CENPQ: variants seen among roughly 807,000 people sequenced by gnomAD.
The protein encoded by CENPQ is chromosome 6 open reading frame 139.
Under a neutral mutation model 36.6 loss-of-function variants are expected in CENPQ, and 27 were observed. The ratio of observed to expected loss-of-function variants is 0.74; its 90% CI spans 0.54 to 1.02. The LOEUF is 1.02. Among genes scored for constraint, CENPQ ranks in the 50% least tolerant of loss-of-function variants. CENPQ has a pLI of 0.00. For missense variants in CENPQ, 306 were observed against 301.8 expected (o/e 1.01, Z -0.10); for synonymous variants, 101 against 101.7 (o/e 0.99, Z 0.04).
Position 49,483,395 on chromosome 6 carries a change from C to G in CENPQ, c.477+2315C>G, listed in dbSNP as rs548951415. 4.6e-5 allele frequency among the ~76,000 whole-genome samples: 7 copies of G among 152,322 alleles called. No homozygotes were observed. In the South Asian group the frequency reaches 1.4e-3, roughly 32 times the overall value. On this transcript the variant is annotated intron_variant, in intron 6 of 8. Transcript: ENST00000335783. ...CACACTGGGGCTGCAGGTGGAGCTG[C>G]CTGCCAGTCCTGTGCTGTGCGCCCG... is the stretch of plus-strand genomic sequence containing the variant.
At chr6:49,468,551 C>T (rs993690876) in intron 1 of CENPQ, among the ~76,000 whole-genome samples, 6 of 151,816 alleles carry the variant, frequency 4.0e-5, no homozygotes, top group South Asian at 2.1e-4. Flanking sequence ...GAGCCGAGAT[C>T]GCACCACTGC....
In CENPQ at chr6:49,472,105, C is replaced by A. The variant is rs1400768829; in HGVS notation, c.200C>A (p.Ala67Asp). ...AACCTAAAACACGGAAAGACAGCAG[C>A]CAGCAAGAGAAAAACCTGGCAACCT... ...HTNLKHGKTA[A>D]SKRKTWQPLS... Residue 67 changes from alanine (A) to aspartate (D), a missense_variant, in exon 4 of 9, where the codon GCC becomes GAC. Transcript: ENST00000335783. 2 of 1,612,206 alleles carry A rather than the reference C, an allele frequency of 1.2e-6. No homozygotes were observed. The highest frequency in any genetic ancestry group is 1.7e-6 in the Non-Finnish European group (2 of 1,179,148).
intron 2 of CENPQ, 28 bp from the exon 3 acceptor site, chr6:49,470,940 CTGTTTA>C: frequency 1.6e-6 from 2 of 1,257,574 alleles, no homozygotes; most frequent in Non-Finnish European, 2.2e-6. Flanking sequence ...ATGTTTAATT[CTGTTTA>C]TGTTTATGCA....
intron 1 of CENPQ, among the ~76,000 whole-genome samples, chr6:49,466,021 T>G (rs1489484088): frequency 6.6e-6 from 1 of 152,110 alleles, no homozygotes; most frequent in African/African-American, 2.4e-5. Context: ...GTGAGAGAGG[T>G]GTGATTTTTG....
intron 3 of CENPQ, among the ~76,000 whole-genome samples, chr6:49,471,708 G>C (rs1768139618): frequency 6.6e-6 from 1 of 151,976 alleles, no homozygotes; most frequent in Non-Finnish European, 1.5e-5. Context: ...TTTTGTTCCA[G>C]TTGCCATCCA....
At chr6:49,471,574 T>A (rs1034423187) in intron 3 of CENPQ, among the ~76,000 whole-genome samples, 1 of 152,176 alleles carries the variant, frequency 6.6e-6, no homozygotes, top group African/African-American at 2.4e-5. Context: ...TTGTTCAATA[T>A]CCCTTCTCTC....
At chr6:49,473,544 C>A (rs1003321165) in intron 5 of CENPQ, among the ~76,000 whole-genome samples, 1 of 152,034 alleles carries the variant, frequency 6.6e-6, no homozygotes, top group Non-Finnish European at 1.5e-5. Context: ...AAGGAAAAAC[C>A]GGTACCAGCC....
Position 49,480,541 on chromosome 6 carries a change from G to T in CENPQ, c.348-410G>T, listed in dbSNP as rs369914793. Among the ~76,000 whole-genome samples the T allele has an allele frequency of 2.6e-3, 395 of 152,038 alleles. 1 individual carries two copies. The highest frequency in any genetic ancestry group is 8.1e-3 in the African/African-American group (337 of 41,476). On this transcript the variant is annotated intron_variant, in intron 5 of 8. Transcript: ENST00000335783. ...CATTCTCTAAAATAATTGAGATTTG[G>T]GGTCCAGGGTCATAGTTAAGACTTC...
At chr6:49,475,607 T>G (rs1325305770) in intron 5 of CENPQ, among the ~76,000 whole-genome samples, 8 of 152,166 alleles carry the variant, frequency 5.3e-5, no homozygotes, top group Admixed American at 3.3e-4. Context: ...TAAAGGGTAT[T>G]CAATTAGGAA....
intron 2 of CENPQ, among the ~76,000 whole-genome samples, 170 bp downstream of exon 2, chr6:49,470,448 A>G (rs9463484): frequency 6.6e-6 from 1 of 151,010 alleles, no homozygotes; most frequent in African/African-American, 2.4e-5. Context: ...CTTAAAAAAA[A>G]CAAAAAAAAA....
chr6:49,483,715 G>A (rs962724810), intron 6 of CENPQ, among the ~76,000 whole-genome samples: 3 of 152,242 alleles, frequency 2.0e-5, no homozygotes, highest in Non-Finnish European at 4.4e-5. Context: ...TCCAAGTGTG[G>A]GGCCTGCTAA....
Position 49,470,969 on chromosome 6 carries a change from T to A in CENPQ, c.103-5T>A, listed in dbSNP as rs1294385346. Reference sequence around the variant, plus strand: ...TTATGTTTATGCATGTGTTTTTCCCTCTAGGTTAGAAACACAGTGAAAAAA... The same window carrying A: ...TTATGTTTATGCATGTGTTTTTCCCACTAGGTTAGAAACACAGTGAAAAAA... On this transcript the variant is annotated splice_polypyrimidine_tract_variant and splice_region_variant and intron_variant, in intron 2 of 8. Coordinates refer to ENST00000335783, the MANE Select transcript of CENPQ (RefSeq NM_018132.4). The A allele has an allele frequency of 1.3e-6, 2 of 1,494,014 alleles. No homozygotes were observed. Among genetic ancestry groups the A allele is most frequent in the Middle Eastern group, 1.8e-4 (1 of 5,506 alleles). 92.5% of individuals were successfully genotyped at this position (1,494,014 alleles called of 1,614,324 possible).
intron 6 of CENPQ, among the ~76,000 whole-genome samples, chr6:49,487,298 C>G (rs946766430): frequency 6.6e-6 from 1 of 150,914 alleles, no homozygotes; most frequent in African/African-American, 2.4e-5. Context: ...AACATTTTAG[C>G]CTTTATGGAC....
At chr6:49,471,426 G>GC (rs1768131297) in intron 3 of CENPQ, among the ~76,000 whole-genome samples, 1 of 152,180 alleles carries the variant, frequency 6.6e-6, no homozygotes, top group African/African-American at 2.4e-5. Context: ...TAGAGTAGTT[G>GC]CCTTTGCTTA....
chr6:49,485,322 A>G lies in CENPQ; in HGVS notation c.478-3030A>G, dbSNP rs1478885926. ...ACTCAGTAATGGTGCTGGGGAAACAACAATGGTGAACACCATCTCGGAGAT... is the reference window on the plus strand; with the variant it reads ...ACTCAGTAATGGTGCTGGGGAAACAGCAATGGTGAACACCATCTCGGAGAT... On this transcript the variant is annotated intron_variant, in intron 6 of 8. Transcript: ENST00000335783. Among the ~76,000 whole-genome samples, 4 of 152,342 alleles carry G rather than the reference A, an allele frequency of 2.6e-5. No homozygotes were observed. The South Asian group carries it at 6.2e-4, about 24-fold the overall frequency.
rs1367393068 is a variant in CENPQ at position 49,472,168 on chromosome 6, T to C, written c.263T>C (p.Met88Thr). Residue 88 changes from methionine to threonine, a missense_variant, in exon 4 of 9, where the codon ATG becomes ACG. By Grantham distance (81) the Met-to-Thr change is moderately conservative. Coordinates refer to ENST00000335783, the MANE Select transcript of CENPQ (RefSeq NM_018132.4). ...KSTRDHLQTMMESVIMTILSN... is the reference protein window; with the variant it reads ...KSTRDHLQTMTESVIMTILSN... Reference sequence around the variant, plus strand: ...ACCAGAGACCATTTGCAAACTATGATGGAATCAGTAATAATGTGAGTATAA... The same window carrying C: ...ACCAGAGACCATTTGCAAACTATGACGGAATCAGTAATAATGTGAGTATAA... 5.0e-6 allele frequency: 8 copies of C among 1,611,434 alleles called. No individual in the cohort carries two copies. Among genetic ancestry groups the C allele is most frequent in the Non-Finnish European group, 6.8e-6 (8 of 1,178,938 alleles).
At chr6:49,480,496 A>G (rs72855821) in intron 5 of CENPQ, among the ~76,000 whole-genome samples, 2,349 of 152,270 alleles carry the variant, frequency 0.015, 25 homozygotes, top group Non-Finnish European at 0.025. Context: ...ACTAATGTAA[A>G]TCTTCTCTAT....
At chr6:49,474,979 G>C (rs1297253707) in intron 5 of CENPQ, among the ~76,000 whole-genome samples, 1 of 152,062 alleles carries the variant, frequency 6.6e-6, no homozygotes, top group Admixed American at 6.6e-5. Flanking sequence ...TCCCTGAATA[G>C]ACCAATAACA....
At chr6:49,469,000 A>G (rs1187868949) in intron 1 of CENPQ, among the ~76,000 whole-genome samples, 1 of 152,156 alleles carries the variant, frequency 6.6e-6, no homozygotes, top group African/African-American at 2.4e-5. Context: ...AAGATAGAGA[A>G]TGAGTGTTTG....
Sources: gnomAD v4.1 joint callset for allele counts (sites outside exome capture counted in the v4.1 genomes callset) on GRCh38, gnomAD v4.1.1 for gene constraint, MANE v1.5 for transcripts, NCBI Gene and HGNC (gene_info 2026-07-23, HGNC 2026-07-21) for gene names.